Variants in LIPK observed in about 807,000 individuals in gnomAD.
LIPK encodes the protein lipase family member K.
In LIPK, 32 loss-of-function variants were observed where a neutral mutation model predicts 48.6. The observed-to-expected ratio is 0.66, with a 90% CI of 0.50 to 0.88. The LOEUF (loss-of-function observed/expected upper bound fraction) is 0.88. Ranked by LOEUF, LIPK falls within the 40% of genes least tolerant of loss-of-function variation. The pLI is 0.00. For synonymous variants in LIPK, 164 were observed against 157.4 expected (o/e 1.04, Z -0.32); for missense variants, 507 against 478.5 (o/e 1.06, Z -0.56).
chr10:88,744,706 C>T (rs1489984525), intron 9 of LIPK, among the ~76,000 whole-genome samples: 5 of 152,210 alleles, frequency 3.3e-5, no homozygotes, highest in African/African-American at 1.2e-4. Context: ...TGCAAGAACT[C>T]TGGACATTTG....
chr10:88,742,912 A>G (rs943879084), intron 8 of LIPK, among the ~76,000 whole-genome samples: 2 of 152,338 alleles, frequency 1.3e-5, no homozygotes, highest in South Asian at 2.1e-4. Flanking sequence ...AAATTATTAA[A>G]ATTCCTGAAG....
At chr10:88,731,547 A>C (rs551622457) in intron 4 of LIPK, among the ~76,000 whole-genome samples, 31 of 152,374 alleles carry the variant, frequency 2.0e-4, no homozygotes, top group African/African-American at 6.5e-4. Flanking sequence ...TCACAGGAGC[A>C]AACTGATGCA....
At chr10:88,725,848 C>G (rs1385650841) in intron 2 of LIPK, among the ~76,000 whole-genome samples, 1 of 152,196 alleles carries the variant, frequency 6.6e-6, no homozygotes, top group African/African-American at 2.4e-5. Flanking sequence ...ACACCTTTCT[C>G]TCTGCCCAAG....
At chr10:88,709,776 T>C (rs540784095) in intron 1 of LIPK, among the ~76,000 whole-genome samples, 1 of 152,274 alleles carries the variant, frequency 6.6e-6, no homozygotes, top group East Asian at 1.9e-4. Flanking sequence ...TTAGGGAGTC[T>C]CAGCCATTTA....
chr10:88,740,253 T>C (rs1471910287), intron 8 of LIPK, among the ~76,000 whole-genome samples, 186 bp downstream of exon 8: 2 of 152,250 alleles, frequency 1.3e-5, no homozygotes, highest in East Asian at 3.8e-4. Context: ...CCTCAGTGTC[T>C]GGGTTTTGAG....
At chr10:88,734,653 T>C in intron 6 of LIPK, among the ~76,000 whole-genome samples, 1 of 152,172 alleles carries the variant, frequency 6.6e-6, no homozygotes, top group African/African-American at 2.4e-5. Flanking sequence ...AGAATCATTA[T>C]GGAGTTATTG....
At chr10:88,731,500 G>C (rs1033973671) in intron 4 of LIPK, among the ~76,000 whole-genome samples, 2 of 152,236 alleles carry the variant, frequency 1.3e-5, no homozygotes, top group Non-Finnish European at 2.9e-5. Context: ...AGCAGCGCCT[G>C]AGGGTGCTGT....
chr10:88,727,966 C>T (rs1478796096), intron 3 of LIPK: 7 of 327,240 alleles, frequency 2.1e-5, no homozygotes, highest in South Asian at 1.2e-4. Context: ...CAACTTTCTG[C>T]GGCAGCTGGA....
At chr10:88,724,449 T>C (rs1215693811) in intron 1 of LIPK, 84 bp from the exon 2 acceptor site, 9 of 748,132 alleles carry the variant, frequency 1.2e-5, no homozygotes, top group Admixed American at 2.5e-5. Flanking sequence ...CTCTCTCTCA[T>C]AGCAGTGTTA....
In LIPK at chr10:88,737,621, A is replaced by G; in HGVS notation, c.670-14A>G. 2.5e-6 allele frequency: 4 copies of G among 1,611,692 alleles called. No individual in the cohort carries two copies. The highest frequency in any genetic ancestry group is 3.4e-5 in the Admixed American group (2 of 59,692). On this transcript the variant is annotated splice_polypyrimidine_tract_variant and intron_variant, in intron 6 of 9. Transcript: ENST00000404190. The stretch of plus-strand genomic sequence containing the variant: ...CGCCTGTAAGATTTGATGGTGTTTT[A>G]AATTATCTTGTAGGTGTTGTTTGGT...
chr10:88,723,264 G>A (rs1842267881), intron 1 of LIPK, among the ~76,000 whole-genome samples: 1 of 152,032 alleles, frequency 6.6e-6, no homozygotes, highest in African/African-American at 2.4e-5. Context: ...GTACATAATA[G>A]GTGCTCAATA....
intron 1 of LIPK, among the ~76,000 whole-genome samples, chr10:88,720,754 G>A (rs1227554073): frequency 6.6e-6 from 1 of 151,834 alleles, no homozygotes; most frequent in Non-Finnish European, 1.5e-5. Flanking sequence ...CTCCAAGGAA[G>A]TCATATATAT....
At chr10:88,732,606 T>C in intron 6 of LIPK, 55 bp downstream of exon 6, 3 of 1,523,356 alleles carry the variant, frequency 2.0e-6, no homozygotes, top group Non-Finnish European at 2.7e-6. Context: ...TCTATTTCCA[T>C]TGATTTCAAC....
Position 88,737,668 on chromosome 10 carries a change from A to G in LIPK, c.703A>G (p.Thr235Ala), listed in dbSNP as rs773075826. 1.2e-5 allele frequency: 19 copies of G among 1,613,754 alleles called. No individual in the cohort carries two copies. Among genetic ancestry groups the G allele is most frequent in the Non-Finnish European group, 1.5e-5 (18 of 1,179,792 alleles). Residue 235 changes from threonine (T) to alanine (A), a missense_variant, in exon 7 of 10, where the codon ACA (threonine) becomes GCA (alanine). Coordinates refer to ENST00000404190, the MANE Select transcript of LIPK (RefSeq NM_001080518.2). ...TGGTGACAAAATGTTCCACCCTCAT[A>G]CATTGTTTGACCAATTCATTGCCAC... is the stretch of plus-strand genomic sequence containing the variant. ...LFGDKMFHPH[T>A]LFDQFIATKV...
At chr10:88,745,348 A>T (rs2839909) in intron 9 of LIPK, among the ~76,000 whole-genome samples, 9 of 152,240 alleles carry the variant, frequency 5.9e-5, no homozygotes, top group Non-Finnish European at 2.9e-5. Flanking sequence ...TCCAAGGTCT[A>T]TATGAAAGAA....
At chr10:88,708,519 T>C (rs1419637928) in intron 1 of LIPK, among the ~76,000 whole-genome samples, 1 of 152,080 alleles carries the variant, frequency 6.6e-6, no homozygotes, top group Non-Finnish European at 1.5e-5. Flanking sequence ...TCCCAAAGTT[T>C]GCAAAACTCT....
chr10:88,731,727 T>C (rs1285350765), intron 4 of LIPK, among the ~76,000 whole-genome samples: 1 of 152,258 alleles, frequency 6.6e-6, no homozygotes, highest in Non-Finnish European at 1.5e-5. Flanking sequence ...TTTCTTAAAC[T>C]ATACATAGGA....
intron 1 of LIPK, among the ~76,000 whole-genome samples, chr10:88,719,412 G>C (rs1842179484): frequency 6.6e-6 from 1 of 152,212 alleles, no homozygotes; most frequent in East Asian, 1.9e-4. Context: ...TGAGACACAG[G>C]AGCTGTGGCT....
At chr10:88,725,796 G>A (rs973933083) in intron 2 of LIPK, among the ~76,000 whole-genome samples, 8 of 152,126 alleles carry the variant, frequency 5.3e-5, no homozygotes, top group African/African-American at 1.9e-4. Flanking sequence ...CTGCAGGTGG[G>A]GTATCTTTTC....
Sources: allele counts gnomAD v4.1 joint callset (sites outside exome capture counted in the v4.1 genomes callset), GRCh38; gene constraint gnomAD v4.1.1; transcripts MANE v1.5; gene names NCBI Gene and HGNC (gene_info 2026-07-23, HGNC 2026-07-21).